OXR1: variants seen among roughly 807,000 people sequenced by gnomAD.
The protein encoded by OXR1 is oxidation resistance protein 1.
Under a neutral mutation model 104.6 loss-of-function variants are expected in OXR1, and 41 were observed. That is an observed-to-expected ratio of 0.39 (90% CI 0.31 to 0.51). The LOEUF is 0.51. OXR1 is among the 20% of genes least tolerant of loss of function. The probability of loss-of-function intolerance (pLI) is 0.77; values close to 1 mark genes in which losing one functional copy is unlikely to be tolerated. For synonymous variants in OXR1, 348 were observed against 348.4 expected (o/e 1.00, Z 0.01); for missense variants, 955 against 1,031.9 (o/e 0.93, Z 1.02).
chr8:106,525,662 G>T (rs76408793), intron 3 of OXR1, among the ~76,000 whole-genome samples: 2 of 152,204 alleles, frequency 1.3e-5, no homozygotes, highest in African/African-American at 4.8e-5. Context: ...CTCCTGAATA[G>T]GTCCAAAAGG....
At chr8:106,748,788 G>C (rs569137387) in intron 16 of OXR1, among the ~76,000 whole-genome samples, 57 of 150,842 alleles carry the variant, frequency 3.8e-4, no homozygotes, top group South Asian at 2.5e-3. Flanking sequence ...CAGGCAGGTC[G>C]CAAACTACTG....
chr8:106,717,409 G>A (rs1832373254), intron 11 of OXR1, among the ~76,000 whole-genome samples: 1 of 152,070 alleles, frequency 6.6e-6, no homozygotes. Context: ...GGATGAACTT[G>A]TTATGGCTAC....
At chr8:106,564,450 G>C (rs2130516189) in intron 3 of OXR1, among the ~76,000 whole-genome samples, 1 of 151,802 alleles carries the variant, frequency 6.6e-6, no homozygotes, top group Non-Finnish European at 1.5e-5. Context: ...TAAAATCCCT[G>C]AATAGACCAA....
chr8:106,631,530 TA>T (rs1322765954), intron 3 of OXR1, among the ~76,000 whole-genome samples: 1 of 152,216 alleles, frequency 6.6e-6, no homozygotes, highest in Non-Finnish European at 1.5e-5. Context: ...AAAGCCCTAT[TA>T]AAATGTTTTT....
chr8:106,544,574 ATTCTTT>A (rs1368899871), intron 3 of OXR1, among the ~76,000 whole-genome samples: 1 of 152,188 alleles, frequency 6.6e-6, no homozygotes, highest in Non-Finnish European at 1.5e-5. Flanking sequence ...GTGATGTTTC[ATTCTTT>A]TTGACTGACA....
intron 3 of OXR1, among the ~76,000 whole-genome samples, chr8:106,577,430 G>A (rs1817931897): frequency 8.9e-6 from 1 of 112,314 alleles, no homozygotes; most frequent in Non-Finnish European, 1.7e-5. Flanking sequence ...TCTTCTGTCA[G>A]CCAGGCTGGA....
chr8:106,510,200 A>G (rs143931517), intron 2 of OXR1, among the ~76,000 whole-genome samples: 78 of 152,292 alleles, frequency 5.1e-4, no homozygotes, highest in African/African-American at 1.7e-3. Flanking sequence ...TTATATGTAG[A>G]CATGCTTTCT....
intron 7 of OXR1, among the ~76,000 whole-genome samples, chr8:106,694,579 ATGTT>A (rs1208614340): frequency 2.9e-4 from 21 of 71,986 alleles, no homozygotes; most frequent in African/African-American, 1.0e-3. Context: ...TGATATATAA[ATGTT>A]TATATATATT....
chr8:106,590,957 AC>A (rs1563627475), intron 3 of OXR1, among the ~76,000 whole-genome samples: 4 of 152,186 alleles, frequency 2.6e-5, no homozygotes, highest in African/African-American at 9.6e-5. Flanking sequence ...TGAGATAAGT[AC>A]ACATTTTGAG....
intron 2 of OXR1, chr8:106,447,880 A>AC (rs1255517743): frequency 1.3e-6 from 2 of 1,489,266 alleles, no homozygotes; most frequent in African/African-American, 1.4e-5. Flanking sequence ...TACTAGCCCC[A>AC]CCCCCCAACA....
chr8:106,408,151 C>G (rs910300306), intron 2 of OXR1, among the ~76,000 whole-genome samples: 3 of 152,154 alleles, frequency 2.0e-5, no homozygotes, highest in African/African-American at 4.8e-5. Context: ...TAGCGTTGCT[C>G]TTGAGAACCC....
intron 2 of OXR1, among the ~76,000 whole-genome samples, chr8:106,503,567 C>T (rs1811950653): frequency 6.6e-6 from 1 of 152,122 alleles, no homozygotes; most frequent in Admixed American, 6.5e-5. Context: ...TAGGTAAGAG[C>T]CTTCATTGAA....
chr8:106,497,966 T>C (rs1811526927), intron 2 of OXR1, among the ~76,000 whole-genome samples: 1 of 152,158 alleles, frequency 6.6e-6, no homozygotes, highest in African/African-American at 2.4e-5. Context: ...TCAGGAAAAC[T>C]GATTTATGGG....
intron 3 of OXR1, among the ~76,000 whole-genome samples, chr8:106,616,352 C>T (rs143838201): frequency 8.1e-4 from 122 of 151,264 alleles, no homozygotes; most frequent in African/African-American, 2.6e-3. Flanking sequence ...TGAGCCACCG[C>T]GCCCAGCCAA....
chr8:106,722,360 T>A (rs945137339), intron 11 of OXR1, among the ~76,000 whole-genome samples: 1 of 151,892 alleles, frequency 6.6e-6, no homozygotes, highest in African/African-American at 2.4e-5. Context: ...GATCGAATAA[T>A]CAAATAATAT....
chr8:106,693,001 C>A, intron 7 of OXR1, 124 bp downstream of exon 7: 2 of 579,718 alleles, frequency 3.4e-6, no homozygotes, highest in Non-Finnish European at 2.8e-6. Context: ...TAGAAAGGTA[C>A]TAGTGATACT....
At chr8:106,735,477 T>C (rs963097872) in intron 11 of OXR1, among the ~76,000 whole-genome samples, 3 of 152,138 alleles carry the variant, frequency 2.0e-5, no homozygotes, top group Non-Finnish European at 4.4e-5. Flanking sequence ...ATGACTGATC[T>C]CTTTTGTAAG....
intron 1 of OXR1, among the ~76,000 whole-genome samples, chr8:106,316,769 T>TATC: frequency 6.9e-6 from 1 of 145,684 alleles, no homozygotes; most frequent in East Asian, 2.1e-4. Context: ...TCTATCTATC[T>TATC]ATCTATTGCT....
At chr8:106,483,362 G>T (rs1822255705) in intron 2 of OXR1, among the ~76,000 whole-genome samples, 1 of 151,870 alleles carries the variant, frequency 6.6e-6, no homozygotes. Flanking sequence ...AGTATTTCCT[G>T]ATAATGTCAT....
Sources: allele counts gnomAD v4.1 joint callset (sites outside exome capture counted in the v4.1 genomes callset), GRCh38; gene constraint gnomAD v4.1.1; transcripts MANE v1.5; gene names NCBI Gene and HGNC (gene_info 2026-07-23, HGNC 2026-07-21).